Variants in RYR2 observed in about 807,000 individuals in gnomAD.
RYR2 encodes the protein cardiac muscle ryanodine receptor-calcium release channel.
A neutral mutation model predicts 601.1 loss-of-function variants in RYR2; 227 were observed. The observed-to-expected ratio is 0.38, with a 90% CI of 0.34 to 0.42. The LOEUF is 0.42. RYR2 is among the 10% of genes least tolerant of loss of function. The pLI is 1.00. For synonymous variants in RYR2, 2,223 were observed against 2,175.1 expected, an observed-to-expected ratio of 1.02 and a Z score of -0.61; for missense variants, 4,646 against 6,156.5, an observed-to-expected ratio of 0.75 and a Z score of 8.21.
chr1:237,249,812 CA>C (rs1382508139), intron 1 of RYR2, among the ~76,000 whole-genome samples: 2 of 152,160 alleles, frequency 1.3e-5, no homozygotes, highest in Non-Finnish European at 2.9e-5. Flanking sequence ...ATTCAATCAT[CA>C]AACACTCACT....
intron 3 of RYR2, among the ~76,000 whole-genome samples, chr1:237,353,489 A>T (rs1298731376): frequency 1.3e-5 from 2 of 149,608 alleles, no homozygotes; most frequent in Non-Finnish European, 3.0e-5. Flanking sequence ...AGCCTGGGTG[A>T]CAGAGTGAGA....
chr1:237,148,553 T>TATATAC (rs71178397), intron 1 of RYR2, among the ~76,000 whole-genome samples: 2,362 of 104,882 alleles, frequency 0.023, 27 homozygotes, highest in South Asian at 0.027. Flanking sequence ...TATATATATA[T>TATATAC]ACACACACAC....
At chr1:237,442,576 T>A (rs1558825209) in intron 13 of RYR2, among the ~76,000 whole-genome samples, 1 of 152,222 alleles carries the variant, frequency 6.6e-6, no homozygotes, top group Non-Finnish European at 1.5e-5. Flanking sequence ...AATAATATCT[T>A]TTCTAGTTGA....
At chr1:237,441,290 C>T in intron 12 of RYR2, 29 bp from the exon 13 acceptor site, 1 of 1,612,678 alleles carries the variant, frequency 6.2e-7, no homozygotes. Flanking sequence ...GAAATGTTTA[C>T]TGACCTTTTT....
At chr1:237,821,297 T>C (rs1433291732) in intron 101 of RYR2, among the ~76,000 whole-genome samples, 4 of 152,112 alleles carry the variant, frequency 2.6e-5, no homozygotes, top group Admixed American at 2.6e-4. Flanking sequence ...ATTTGGTGGG[T>C]GCCCCTCTGG....
intron 1 of RYR2, among the ~76,000 whole-genome samples, chr1:237,152,943 A>G (rs1674895230): frequency 6.6e-6 from 1 of 152,226 alleles, no homozygotes; most frequent in Non-Finnish European, 1.5e-5. Context: ...TTTACAAGGG[A>G]CTTGAATAAA....
At chr1:237,794,413 T>C (rs946026510) in intron 95 of RYR2, among the ~76,000 whole-genome samples, 1 of 152,180 alleles carries the variant, frequency 6.6e-6, no homozygotes, top group African/African-American at 2.4e-5. Flanking sequence ...ATCTGAGTTA[T>C]CAACTTTCAG....
intron 26 of RYR2, 108 bp downstream of exon 26, chr1:237,548,698 T>G: frequency 7.6e-7 from 1 of 1,320,580 alleles, no homozygotes; most frequent in East Asian, 2.5e-5. Flanking sequence ...ATCATATAGA[T>G]CACATATAGT....
At chr1:237,752,478 A>C (rs1692614677) in intron 80 of RYR2, among the ~76,000 whole-genome samples, 1 of 151,446 alleles carries the variant, frequency 6.6e-6, no homozygotes, top group Non-Finnish European at 1.5e-5. Context: ...AAAAAAAAAG[A>C]AAATTTAGGA....
chr1:237,556,298 T>TATTATTATC (rs1471191142), intron 27 of RYR2, among the ~76,000 whole-genome samples: 1 of 148,658 alleles, frequency 6.7e-6, no homozygotes, highest in African/African-American at 2.5e-5. Flanking sequence ...TTATTATTAT[T>TATTATTATC]ATTATTATTA....
chr1:237,788,177 A>C, intron 92 of RYR2, 42 bp downstream of exon 92: 1 of 1,504,774 alleles, frequency 6.6e-7, no homozygotes. Context: ...ATATAGTGCA[A>C]TACCGTAATA....
intron 21 of RYR2, among the ~76,000 whole-genome samples, chr1:237,502,876 A>G (rs1664814759): frequency 6.6e-6 from 1 of 151,400 alleles, no homozygotes; most frequent in Non-Finnish European, 1.5e-5. Flanking sequence ...TTTTCCCCTC[A>G]TTCCTTGTTA....
intron 1 of RYR2, among the ~76,000 whole-genome samples, chr1:237,174,534 A>T (rs1431900646): frequency 1.3e-5 from 2 of 152,134 alleles, no homozygotes; most frequent in Admixed American, 1.3e-4. Context: ...CCACTACCCC[A>T]ACCCCTGACC....
intron 1 of RYR2, among the ~76,000 whole-genome samples, chr1:237,152,159 C>T (rs1674782446): frequency 6.6e-6 from 1 of 152,174 alleles, no homozygotes; most frequent in Non-Finnish European, 1.5e-5. Context: ...CCAGCTTCAT[C>T]CATGTCTCTG....
intron 12 of RYR2, among the ~76,000 whole-genome samples, chr1:237,436,277 G>T (rs1477169650): frequency 1.3e-5 from 2 of 151,220 alleles, no homozygotes; most frequent in Non-Finnish European, 2.9e-5. Flanking sequence ...GGAGGGTATT[G>T]TACGGGGTGT....
At chr1:237,684,772 C>T (rs3035865) in intron 62 of RYR2, among the ~76,000 whole-genome samples, 52,692 of 103,444 alleles carry the variant, frequency 0.51, 9,631 homozygotes, top group Middle Eastern at 0.69. Context: ...TATCTGAACA[C>T]ATATATATAT....
intron 17 of RYR2, among the ~76,000 whole-genome samples, chr1:237,474,065 G>A (rs955681274): frequency 4.0e-5 from 6 of 151,872 alleles, no homozygotes; most frequent in African/African-American, 1.4e-4. Context: ...CGGCAAAGCT[G>A]GAGTAGAGGC....
At chr1:237,208,418 A>G (rs923197029) in intron 1 of RYR2, among the ~76,000 whole-genome samples, 11 of 152,226 alleles carry the variant, frequency 7.2e-5, no homozygotes, top group African/African-American at 2.4e-4. Flanking sequence ...AAGATGTTCC[A>G]TGTGATTTCC....
intron 62 of RYR2, among the ~76,000 whole-genome samples, chr1:237,681,671 G>C (rs1573497235): frequency 6.6e-6 from 1 of 152,286 alleles, no homozygotes; most frequent in Non-Finnish European, 1.5e-5. Context: ...ATGGAGAGAG[G>C]CAATGCAGTT....
Sources: allele counts gnomAD v4.1 joint callset (sites outside exome capture counted in the v4.1 genomes callset), GRCh38; gene constraint gnomAD v4.1.1; transcripts MANE v1.5; gene names NCBI Gene and HGNC (gene_info 2026-07-23, HGNC 2026-07-21).